BAHD1: variants seen among roughly 807,000 people sequenced by gnomAD.
BAHD1 encodes bromo adjacent homology domain containing 1, also known as bromo adjacent homology domain-containing 1 protein.
Under a neutral mutation model 63.1 loss-of-function variants are expected in BAHD1, and 20 were observed. That is an observed-to-expected ratio of 0.32 (90% CI 0.22 to 0.46). The LOEUF is 0.46. BAHD1 is among the 20% of genes least tolerant of loss of function. The pLI is 1.00. For missense variants in BAHD1, 939 were observed against 1,071.8 expected (o/e 0.88, Z 1.73); for synonymous variants, 408 against 426.8 (o/e 0.96, Z 0.54).
At chr15:40,464,939 C>T in intron 5 of BAHD1, 1 of 372,886 alleles carries the variant, frequency 2.7e-6, no homozygotes, top group Non-Finnish European at 5.0e-6. Flanking sequence ...CCCATAGGCT[C>T]TCCACCAAGC....
In BAHD1 at chr15:40,461,949, C is replaced by A. The variant is rs774928555; in HGVS notation, c.1470C>A (p.Leu490=). The A allele has an allele frequency of 2.5e-6, 4 of 1,609,586 alleles. No individual in the cohort carries two copies. The South Asian group carries it at 4.4e-5, about 18-fold the overall frequency. Residue 490 remains leucine, a synonymous_variant, in exon 3 of 7, where the codon CTC becomes CTA. Coordinates refer to ENST00000416165, the MANE Select transcript of BAHD1 (RefSeq NM_014952.5). ...CRSLGQLEFP[L]PEAGHPASPA... is the part of the protein sequence containing the mutation. ...CCCTGGGCCAGTTGGAATTTCCTCT[C>A]CCGGAAGCTGGCCACCCAGCCTCAC... is the stretch of plus-strand genomic sequence containing the variant.
intron 1 of BAHD1, chr15:40,443,399 T>A: frequency 1.2e-6 from 1 of 814,800 alleles, no homozygotes; most frequent in Non-Finnish European, 1.5e-6. Context: ...ATCCAGAGAG[T>A]GATGATGAAT....
chr15:40,451,586 C>G lies in BAHD1; in HGVS notation c.-14-6865C>G, dbSNP rs555565161. On this transcript the variant is annotated intron_variant, in intron 1 of 6. Transcript: ENST00000416165. ...TCTTTAACTTAATCCTCACAGCAAC[C>G]TTGCTGTGTAGACAAGGAAACCAAG... is the stretch of plus-strand genomic sequence containing the variant. Among the ~76,000 whole-genome samples, 6 of 152,364 alleles carry G rather than the reference C, an allele frequency of 3.9e-5. No homozygotes were observed. The South Asian group carries it at 1.2e-3, about 32-fold the overall frequency.
At chr15:40,461,422 G>T (rs659443) in intron 2 of BAHD1, among the ~76,000 whole-genome samples, 1,857 of 152,262 alleles carry the variant, frequency 0.012, 28 homozygotes, top group African/African-American at 0.043. Context: ...CAGATTGCCT[G>T]AGCTCAGTAG....
Position 40,458,953 on chromosome 15 carries a change from C to A in BAHD1, c.489C>A (p.Gly163=). The change falls in exon 2 of 7, where the codon GGC becomes GGA. Residue 163 remains glycine (G), a synonymous_variant. Coordinates refer to ENST00000416165, the MANE Select transcript of BAHD1 (RefSeq NM_014952.5). This position sits in a 1 kb window ranked among gnomAD's most constrained non-coding sequence, Gnocchi z 4.7. ...GTGACCGTGATCGTGCTACTGGGGG[C>A]TGGTCCTCCTCCAAGAAGCGGCCCC... The part of the protein sequence containing the change: ...RSRDRDRATG[G]WSSSKKRPRL... 1 of 1,590,108 alleles carries A rather than the reference C, an allele frequency of 6.3e-7. No individual in the cohort carries two copies. Among genetic ancestry groups the A allele is most frequent in the Non-Finnish European group, 8.6e-7 (1 of 1,166,380 alleles).
chr15:40,460,000 G>A lies in BAHD1; in HGVS notation c.1432+104G>A, dbSNP rs553619257. ...CAGGGGTCTCCCTTGGGGTCTGGCT[G>A]CTAACTGGAAGGTAGGGGGCTTTCA... On this transcript the variant is annotated intron_variant, in intron 2 of 6. Coordinates refer to ENST00000416165, the MANE Select transcript of BAHD1 (RefSeq NM_014952.5). 18 of 1,369,978 alleles carry A rather than the reference G, an allele frequency of 1.3e-5. No homozygotes were observed. The South Asian group carries it at 2.6e-4, about 20-fold the overall frequency. 84.9% of individuals were successfully genotyped at this position (1,369,978 alleles called of 1,614,324 possible).
In BAHD1 at chr15:40,462,083, G is replaced by T; in HGVS notation, c.1604G>T (p.Cys535Phe). The T allele has an allele frequency of 6.2e-7, 1 of 1,613,436 alleles. No homozygotes were observed. The highest frequency in any genetic ancestry group is 8.5e-7 in the Non-Finnish European group (1 of 1,180,022). The change falls in exon 3 of 7, where the codon TGC (cysteine) becomes TTC (phenylalanine). Residue 535 changes from cysteine (C) to phenylalanine (F), a missense_variant. Physicochemically the swap from Cys to Phe is radical, Grantham distance 205. Transcript: ENST00000416165. ...GAGCCCCAGACAGTAGCCCGTGCGTGCCCTCAGAGCGCCAAACCTCCCAGC... is the reference window on the plus strand; with the variant it reads ...GAGCCCCAGACAGTAGCCCGTGCGTTCCCTCAGAGCGCCAAACCTCCCAGC... ...TSEPQTVARA[C>F]PQSAKPPSGS...
At chr15:40,440,619 T>C (rs1893370421), upstream of BAHD1, among the ~76,000 whole-genome samples, 1 of 151,862 alleles carries the variant, frequency 6.6e-6, no homozygotes, top group Non-Finnish European at 1.5e-5. Context: ...CACCGTGGGA[T>C]ACGGGCTCAG....
At chr15:40,448,366 G>T (rs1189369171) in intron 1 of BAHD1, among the ~76,000 whole-genome samples, 1 of 152,128 alleles carries the variant, frequency 6.6e-6, no homozygotes, top group Non-Finnish European at 1.5e-5. Flanking sequence ...ATAATGTGTG[G>T]TAATGCCAAT....
At chr15:40,457,828 T>C (rs1247018538) in intron 1 of BAHD1, among the ~76,000 whole-genome samples, 1 of 152,054 alleles carries the variant, frequency 6.6e-6, no homozygotes, top group African/African-American at 2.4e-5. Flanking sequence ...GCTAACACGG[T>C]GAAACCCCCT....
At chr15:40,461,844 G>C (rs149091113) in intron 2 of BAHD1, 68 bp from the exon 3 acceptor site, 2 of 1,508,686 alleles carry the variant, frequency 1.3e-6, no homozygotes, top group Non-Finnish European at 8.9e-7. Context: ...ACAGGAGCAG[G>C]CTCTGAAAGC....
chr15:40,452,516 G>A (rs1233964706), intron 1 of BAHD1, among the ~76,000 whole-genome samples: 2 of 152,208 alleles, frequency 1.3e-5, no homozygotes, highest in African/African-American at 4.8e-5. Context: ...GGTCTGTTGG[G>A]ATAGTTTCTG....
chr15:40,441,803 G>T (rs1893411033), intron 1 of BAHD1, among the ~76,000 whole-genome samples: 1 of 150,698 alleles, frequency 6.6e-6, no homozygotes, highest in Non-Finnish European at 1.5e-5. Context: ...GCTCAGGGTG[G>T]GGGGCGCCCT....
At chr15:40,453,058 A>T (rs1218711411) in intron 1 of BAHD1, among the ~76,000 whole-genome samples, 1 of 152,212 alleles carries the variant, frequency 6.6e-6, no homozygotes, top group African/African-American at 2.4e-5. Context: ...GGGAATGGCC[A>T]GCCAGGGCCA....
chr15:40,460,504 C>G (rs1315651218), intron 2 of BAHD1, among the ~76,000 whole-genome samples: 1 of 152,128 alleles, frequency 6.6e-6, no homozygotes, highest in Non-Finnish European at 1.5e-5. Flanking sequence ...ACCATGAGAA[C>G]AGACAAGCAG....
intron 1 of BAHD1, among the ~76,000 whole-genome samples, chr15:40,446,953 G>C (rs1324044656): frequency 1.3e-5 from 2 of 152,170 alleles, no homozygotes; most frequent in African/African-American, 4.8e-5. Flanking sequence ...CAGTGGAGAG[G>C]GGCAGCCCAC....
At chr15:40,438,789 G>A (rs548715918), upstream of BAHD1, among the ~76,000 whole-genome samples, 1 of 152,298 alleles carries the variant, frequency 6.6e-6, no homozygotes, top group East Asian at 1.9e-4. Flanking sequence ...CTGCCACCAG[G>A]TACATTCCTC....
In BAHD1 at chr15:40,458,954, T is replaced by A; in HGVS notation, c.490T>A (p.Trp164Arg). ...TGACCGTGATCGTGCTACTGGGGGCTGGTCCTCCTCCAAGAAGCGGCCCCG... is the reference window on the plus strand; with the variant it reads ...TGACCGTGATCGTGCTACTGGGGGCAGGTCCTCCTCCAAGAAGCGGCCCCG... ...SRDRDRATGG[W>R]SSSKKRPRLG... The change falls in exon 2 of 7, where the codon TGG becomes AGG. Residue 164 changes from tryptophan (W) to arginine (R), a missense_variant. Physicochemically the swap from Trp to Arg is moderately radical, Grantham distance 101 (BLOSUM62 -3). This residue lies in a region of BAHD1 where 797 missense variants were observed against 813.3 expected (regional missense o/e 0.98). Coordinates refer to ENST00000416165, the MANE Select transcript of BAHD1 (RefSeq NM_014952.5). This position sits in a 1 kb window ranked among gnomAD's most constrained non-coding sequence, Gnocchi z 4.7. 1 of 1,590,178 alleles carries A rather than the reference T, an allele frequency of 6.3e-7. No individual in the cohort carries two copies. The highest frequency in any genetic ancestry group is 8.6e-7 in the Non-Finnish European group (1 of 1,166,376).
intron 1 of BAHD1, chr15:40,443,155 GGTT>G: frequency 3.6e-6 from 2 of 557,112 alleles, no homozygotes; most frequent in Non-Finnish European, 4.6e-6. Context: ...AGGTAGGGCT[GGTT>G]AGAAGCCGCT....
Sources: gnomAD v4.1 joint callset for allele counts (sites outside exome capture counted in the v4.1 genomes callset) on GRCh38, gnomAD v4.1.1 for gene constraint, gnomAD v4.1.1 regional missense constraint, Gnocchi (gnomAD v3.1) non-coding constraint, MANE v1.5 for transcripts, NCBI Gene and HGNC (gene_info 2026-07-23, HGNC 2026-07-21) for gene names.